Variants in KSR2 observed in about 807,000 individuals in gnomAD.
The protein encoded by KSR2 is kinase suppressor of ras 2.
KSR2 carries 25 observed loss-of-function variants against 107.8 expected under a neutral mutation model. The observed-to-expected ratio is 0.23, with a 90% CI of 0.17 to 0.32. The LOEUF (loss-of-function observed/expected upper bound fraction) is 0.32. KSR2 is among the 10% of genes least tolerant of loss of function. The probability of loss-of-function intolerance (pLI) is 1.00; values close to 1 mark genes in which losing one functional copy is unlikely to be tolerated. For missense variants in KSR2, 887 were observed against 1,268.9 expected (o/e 0.70, Z 4.57); for synonymous variants, 480 against 507.0 (o/e 0.95, Z 0.71).
At chr12:117,779,166 G>C (rs78562076) in intron 3 of KSR2, among the ~76,000 whole-genome samples, 4,114 of 152,302 alleles carry the variant, frequency 0.027, 209 homozygotes, top group East Asian at 0.18. Context: ...GAGGCAGAGA[G>C]AAATGTGGAT....
intron 2 of KSR2, among the ~76,000 whole-genome samples, chr12:117,859,139 C>CTTTTTTTTTTTTTTTTTTTTTTTTTTT (rs34697963): frequency 1.2e-5 from 1 of 81,094 alleles, no homozygotes; most frequent in Non-Finnish European, 2.2e-5. Flanking sequence ...ATGAGCTGAA[C>CTTTTTTTTTTTTTTTTTTTTTTTTTTT]TTTTTTTTTT....
rs1033270359 is a variant in KSR2 at position 117,806,109 on chromosome 12, G to A, written c.473-44585C>T. Among the ~76,000 whole-genome samples the A allele has an allele frequency of 3.3e-5, 5 of 152,140 alleles. No homozygotes were observed. In the East Asian group the frequency reaches 5.8e-4, roughly 18 times the overall value. On this transcript the variant is annotated intron_variant, in intron 3 of 19. Transcript: ENST00000339824. ...CATGTGAACATTAAGTGTGTGGAGC[G>A]CCGTTTTAAACAACGTCCGGCATTT...
At chr12:117,820,547 C>A (rs532729737) in intron 3 of KSR2, among the ~76,000 whole-genome samples, 1 of 152,200 alleles carries the variant, frequency 6.6e-6, no homozygotes, top group Non-Finnish European at 1.5e-5. Context: ...ATTTGAAAAC[C>A]AGGCTCTGGC....
chr12:117,619,333 G>A (rs923641212), intron 5 of KSR2, among the ~76,000 whole-genome samples: 4 of 151,748 alleles, frequency 2.6e-5, no homozygotes, highest in African/African-American at 7.3e-5. Context: ...TTAACATTAG[G>A]TATATCTCCA....
chr12:117,917,381 A>AT (rs869057021), intron 1 of KSR2, among the ~76,000 whole-genome samples: 4 of 151,566 alleles, frequency 2.6e-5, no homozygotes. Context: ...TCTCTAAAAA[A>AT]TTTTTTTTTA....
intron 3 of KSR2, among the ~76,000 whole-genome samples, chr12:117,798,709 CAAAAA>C (rs749755380): frequency 8.5e-6 from 1 of 117,100 alleles, no homozygotes; most frequent in Admixed American, 9.8e-5. Context: ...GCAAAAAGTC[CAAAAA>C]AAAAAAATAT....
At chr12:117,927,693 G>GA (rs747247177) in intron 1 of KSR2, among the ~76,000 whole-genome samples, 3 of 150,662 alleles carry the variant, frequency 2.0e-5, no homozygotes, top group Admixed American at 6.6e-5. Context: ...ACTCAGTCTG[G>GA]AAAAAAGGAA....
At chr12:117,551,254 C>T (rs1055722337) in intron 9 of KSR2, among the ~76,000 whole-genome samples, 1 of 152,026 alleles carries the variant, frequency 6.6e-6, no homozygotes, top group African/African-American at 2.4e-5. Flanking sequence ...CTCCTTCTTT[C>T]TCCTTCTCTT....
At chr12:117,592,285 T>C (rs1880369800) in intron 5 of KSR2, among the ~76,000 whole-genome samples, 1 of 151,988 alleles carries the variant, frequency 6.6e-6, no homozygotes, top group Admixed American at 6.6e-5. Context: ...GGCTAATTTT[T>C]GTATTTTTAG....
chr12:117,717,869 T>A (rs1887058654), intron 4 of KSR2, among the ~76,000 whole-genome samples: 3 of 152,180 alleles, frequency 2.0e-5, no homozygotes, highest in African/African-American at 7.2e-5. Context: ...GAAGTTTCTC[T>A]TTCCACTGAG....
At chr12:117,841,785 T>G (rs577728049) in intron 3 of KSR2, among the ~76,000 whole-genome samples, 3 of 152,094 alleles carry the variant, frequency 2.0e-5, no homozygotes, top group Non-Finnish European at 4.4e-5. Flanking sequence ...ACCACCCCCC[T>G]CCCAGGCAAG....
intron 7 of KSR2, among the ~76,000 whole-genome samples, chr12:117,566,320 A>T (rs977328597): frequency 6.6e-6 from 1 of 152,112 alleles, no homozygotes; most frequent in Non-Finnish European, 1.5e-5. Context: ...GGGTTTCACC[A>T]TGTTGGCCAG....
chr12:117,677,093 T>C (rs184442876), intron 4 of KSR2: 1 of 152,282 alleles, frequency 6.6e-6, no homozygotes, highest in Non-Finnish European at 1.5e-5. Flanking sequence ...AACAGCATCA[T>C]CAAAGGCATC....
intron 4 of KSR2, among the ~76,000 whole-genome samples, chr12:117,756,051 T>C (rs1427648294): frequency 6.6e-6 from 1 of 152,124 alleles, no homozygotes; most frequent in East Asian, 1.9e-4. Context: ...TGGACACCAG[T>C]AGAGGTTGGC....
In KSR2 at chr12:117,892,991, G is replaced by A. The variant is rs931329432; in HGVS notation, c.181-32560C>T. Among the ~76,000 whole-genome samples, 7 of 151,856 alleles carry A rather than the reference G, an allele frequency of 4.6e-5. 1 individual carries two copies. The highest frequency in any genetic ancestry group is 4.6e-4 in the Admixed American group (7 of 15,226). Reference sequence around the variant, plus strand: ...GAATGAATTACTAATGAAATGAAGGGGGAAACTGGGATGAGACCCTGTGTA... The same window carrying A: ...GAATGAATTACTAATGAAATGAAGGAGGAAACTGGGATGAGACCCTGTGTA... On this transcript the variant is annotated intron_variant, in intron 1 of 19. Transcript: ENST00000339824.
intron 2 of KSR2, among the ~76,000 whole-genome samples, chr12:117,858,081 G>A (rs1488647704): frequency 6.6e-6 from 1 of 152,196 alleles, no homozygotes; most frequent in Non-Finnish European, 1.5e-5. Flanking sequence ...TGAAGCCAGA[G>A]ATCTCTGGGT....
intron 4 of KSR2, among the ~76,000 whole-genome samples, chr12:117,754,326 G>A (rs1251103975): frequency 2.6e-5 from 4 of 152,122 alleles, no homozygotes. Context: ...AGAGCACCAA[G>A]GATAAGGGGC....
intron 3 of KSR2, among the ~76,000 whole-genome samples, chr12:117,796,929 C>G (rs1299216784): frequency 6.6e-6 from 1 of 152,180 alleles, no homozygotes; most frequent in African/African-American, 2.4e-5. Flanking sequence ...CCTGATCACT[C>G]ATTTAACAAG....
chr12:117,519,508 C>T (rs1250165037), intron 14 of KSR2, among the ~76,000 whole-genome samples: 1 of 151,848 alleles, frequency 6.6e-6, no homozygotes, highest in Non-Finnish European at 1.5e-5. Flanking sequence ...CCACATGATA[C>T]GAAGCACAGA....
Sources: gnomAD v4.1 joint callset for allele counts (sites outside exome capture counted in the v4.1 genomes callset) on GRCh38, gnomAD v4.1.1 for gene constraint, MANE v1.5 for transcripts, NCBI Gene and HGNC (gene_info 2026-07-23, HGNC 2026-07-21) for gene names.